PLA2G5: variants seen among roughly 807,000 people sequenced by gnomAD.
PLA2G5 encodes the protein Ca2+-dependent phospholipase A2.
A neutral mutation model predicts 15.9 loss-of-function variants in PLA2G5; 12 were observed. The observed-to-expected ratio is 0.76, with a 90% CI of 0.48 to 1.23. PLA2G5 has a LOEUF of 1.23. PLA2G5 is among the 50% of genes most tolerant of loss of function. The pLI is 0.00. For synonymous variants in PLA2G5, 71 were observed against 71.4 expected (o/e 0.99, Z 0.03); for missense variants, 169 against 177.1 (o/e 0.95, Z 0.26).
intron 1 of PLA2G5, among the ~76,000 whole-genome samples, chr1:20,053,324 T>C (rs2014267454): frequency 6.6e-6 from 1 of 152,166 alleles, no homozygotes; most frequent in Non-Finnish European, 1.5e-5. Context: ...AATCCATACC[T>C]CTGTGAGAAA....
At chr1:20,074,714 A>G (rs1188067007) in intron 1 of PLA2G5, among the ~76,000 whole-genome samples, 1 of 152,222 alleles carries the variant, frequency 6.6e-6, no homozygotes, top group African/African-American at 2.4e-5. Flanking sequence ...TTCAATTCCC[A>G]GGACACATGA....
At position 20,070,267 on chromosome 1, in the gene PLA2G5, C is replaced by G; in HGVS notation, c.-209C>G. The stretch of plus-strand genomic sequence containing the variant: ...TTTCCTCCCCACCTCCGGGTTTGTC[C>G]TCATCATCGGTCACTCCCATTCACA... On this transcript the variant is annotated 5_prime_UTR_variant, in exon 1 of 5. Transcript: ENST00000375108. The G allele has an allele frequency of 2.0e-6, 2 of 985,570 alleles. No individual in the cohort carries two copies. The highest frequency in any genetic ancestry group is 2.4e-6 in the Non-Finnish European group (2 of 830,044). The allele number at this position is 985,570 out of a possible 1,614,324, so 61.1% of individuals were successfully genotyped here.
At chr1:20,085,438 A>T (rs1470066529) in intron 2 of PLA2G5, among the ~76,000 whole-genome samples, 1 of 152,088 alleles carries the variant, frequency 6.6e-6, no homozygotes, top group Non-Finnish European at 1.5e-5. Context: ...GTGCAAGGAG[A>T]GAGCCTTGGG....
intron 3 of PLA2G5, among the ~76,000 whole-genome samples, chr1:20,089,251 C>T (rs994810199): frequency 2.6e-5 from 4 of 152,150 alleles, no homozygotes; most frequent in African/African-American, 9.7e-5. Context: ...GGCCTGCTTA[C>T]ATTTTCCATC....
upstream of PLA2G5, among the ~76,000 whole-genome samples, chr1:20,065,305 A>G (rs2014961088): frequency 1.3e-5 from 2 of 152,286 alleles, no homozygotes; most frequent in Admixed American, 1.3e-4. Context: ...ATTAAGGTTC[A>G]CCTTTGTGAT....
chr1:20,060,247 CTTTTTT>C (rs71585739), intron 2 of PLA2G5, among the ~76,000 whole-genome samples: 10 of 83,704 alleles, frequency 1.2e-4, no homozygotes, highest in Admixed American at 1.7e-4. Flanking sequence ...CTTTTTTCTT[CTTTTTT>C]TTTTTTTTTT....
Position 20,032,067 on chromosome 1 carries a change from A to C in PLA2G5, n.276+3358A>C, listed in dbSNP as rs777852938. Among the ~76,000 whole-genome samples the C allele has an allele frequency of 2.6e-5, 4 of 152,194 alleles. No individual in the cohort carries two copies. The East Asian group carries it at 7.7e-4, about 29-fold the overall frequency. ...CTGAGGGGATTTTAGGGCATGGCTC[A>C]TAAACCCATGAGGGCCAATGGGAGA... On this transcript the variant is annotated intron_variant and non_coding_transcript_variant, in intron 1 of 6. Transcript: ENST00000460175.
At chr1:20,082,378 C>T (rs2016077734) in intron 1 of PLA2G5, among the ~76,000 whole-genome samples, 1 of 151,614 alleles carries the variant, frequency 6.6e-6, no homozygotes, top group Non-Finnish European at 1.5e-5. Flanking sequence ...ACGCATGCTC[C>T]CTTGAGGCGT....
chr1:20,081,190 G>A (rs1377803558), intron 1 of PLA2G5, among the ~76,000 whole-genome samples: 3 of 151,606 alleles, frequency 2.0e-5, no homozygotes, highest in African/African-American at 4.9e-5. Flanking sequence ...GCGGCTATGC[G>A]CTTCCTCTCT....
chr1:20,089,617 C>A (rs2016464218), intron 3 of PLA2G5, among the ~76,000 whole-genome samples, 172 bp from the exon 4 acceptor site: 1 of 152,176 alleles, frequency 6.6e-6, no homozygotes, highest in Non-Finnish European at 1.5e-5. Context: ...GACCTGCTGG[C>A]TAGAAATGAG....
chr1:20,067,844 C>T (rs1353146505), upstream of PLA2G5, among the ~76,000 whole-genome samples: 3 of 149,936 alleles, frequency 2.0e-5, no homozygotes, highest in Non-Finnish European at 4.5e-5. Context: ...GGAGGCCGGG[C>T]GCGGTGGCTC....
intron 3 of PLA2G5, among the ~76,000 whole-genome samples, chr1:20,086,934 C>T (rs1393329801): frequency 6.6e-6 from 1 of 152,118 alleles, no homozygotes; most frequent in Non-Finnish European, 1.5e-5. Context: ...TCTGATACTG[C>T]TAGACATATA....
chr1:20,074,402 A>C (rs755497099), intron 1 of PLA2G5, among the ~76,000 whole-genome samples: 44 of 152,306 alleles, frequency 2.9e-4, no homozygotes, highest in Admixed American at 5.2e-4. Flanking sequence ...GGAGCAACTG[A>C]AGGGCTTATG....
At chr1:20,079,067 T>C (rs1306573371) in intron 1 of PLA2G5, among the ~76,000 whole-genome samples, 1 of 147,272 alleles carries the variant, frequency 6.8e-6, no homozygotes, top group African/African-American at 2.5e-5. Context: ...TGAGATGTGA[T>C]TGTGTCTCTG....
At chr1:20,065,162 A>G (rs2014954489) in intron 2 of PLA2G5, among the ~76,000 whole-genome samples, 1 of 152,212 alleles carries the variant, frequency 6.6e-6, no homozygotes, top group East Asian at 1.9e-4. Context: ...TAAGAATTGT[A>G]TAGAGTTCCC....
intron 1 of PLA2G5, among the ~76,000 whole-genome samples, chr1:20,044,978 G>T (rs1347981767): frequency 1.3e-5 from 2 of 152,144 alleles, no homozygotes; most frequent in Non-Finnish European, 2.9e-5. Context: ...ATGTGTAAAA[G>T]AATGCCTGGA....
intron 1 of PLA2G5, among the ~76,000 whole-genome samples, chr1:20,056,869 T>C (rs1311743954): frequency 1.3e-5 from 2 of 152,228 alleles, no homozygotes; most frequent in South Asian, 2.1e-4. Flanking sequence ...TAGAAGGTTA[T>C]TAATTATTGA....
intron 1 of PLA2G5, among the ~76,000 whole-genome samples, chr1:20,030,961 G>A (rs2012889817): frequency 6.6e-6 from 1 of 152,178 alleles, no homozygotes; most frequent in East Asian, 1.9e-4. Flanking sequence ...AGTTTCTTAT[G>A]TCTTCTTTCT....
intron 1 of PLA2G5, among the ~76,000 whole-genome samples, chr1:20,030,953 T>A (rs1267987760): frequency 6.6e-6 from 1 of 152,090 alleles, no homozygotes; most frequent in Non-Finnish European, 1.5e-5. Flanking sequence ...CAAAATGGAG[T>A]TTCTTATGTC....
Sources: gnomAD v4.1 joint callset for allele counts (sites outside exome capture counted in the v4.1 genomes callset) on GRCh38, gnomAD v4.1.1 for gene constraint, MANE v1.5 for transcripts, NCBI Gene and HGNC (gene_info 2026-07-23, HGNC 2026-07-21) for gene names.